The following CGNL1 variants were observed in gnomAD, a reference collection of about 807,000 sequenced individuals.
CGNL1 encodes cingulin like 1.
A neutral mutation model predicts 141.2 loss-of-function variants in CGNL1; 132 were observed. The observed-to-expected ratio is 0.93, with a 90% confidence interval of 0.81 to 1.08. The LOEUF is 1.08. CGNL1 is among the 50% of genes least tolerant of loss of function. CGNL1 has a pLI of 0.00. For missense variants in CGNL1, 1,870 were observed against 1,588.6 expected (o/e 1.18, Z -3.01); for synonymous variants, 690 against 622.1 (o/e 1.11, Z -1.63).
chr15:57,496,425 C>T (rs922566506), intron 8 of CGNL1, among the ~76,000 whole-genome samples: 5 of 152,066 alleles, frequency 3.3e-5, no homozygotes, highest in African/African-American at 1.2e-4. Context: ...TGCGAGGGAT[C>T]TAGGTTGCAT....
chr15:57,499,577 A>C (rs564596192), intron 8 of CGNL1, among the ~76,000 whole-genome samples: 12 of 152,118 alleles, frequency 7.9e-5, no homozygotes, highest in Admixed American at 1.3e-4. Flanking sequence ...CAGAGTCTTT[A>C]ATATGTGGGT....
Position 57,438,797 on chromosome 15 carries a change from T to C in CGNL1, c.798T>C (p.Pro266=). The stretch of plus-strand genomic sequence containing the variant: ...CTGCCCACAGCCCACATGCCCACCC[T>C]GAAACCAAGAAAACCAGGCCAGATG... ...PLTAHSPHAH[P]ETKKTRPDVL... The change falls in exon 2 of 19, where the codon CCT becomes CCC. Residue 266 remains proline, a synonymous_variant. Coordinates refer to ENST00000281282, the MANE Select transcript of CGNL1 (RefSeq NM_032866.5). The C allele has an allele frequency of 2.5e-6, 4 of 1,614,118 alleles. No homozygotes were observed. Among genetic ancestry groups the C allele is most frequent in the Admixed American group, 1.7e-5 (1 of 60,020 alleles).
chr15:57,493,524 A>T (rs1450734107), intron 8 of CGNL1, among the ~76,000 whole-genome samples: 2 of 152,244 alleles, frequency 1.3e-5, no homozygotes, highest in Non-Finnish European at 2.9e-5. Flanking sequence ...CAATGGTCAG[A>T]AACAAGGGAT....
chr15:57,389,658 T>C (rs1348729766), intron 1 of CGNL1, among the ~76,000 whole-genome samples: 5 of 152,224 alleles, frequency 3.3e-5, no homozygotes, highest in Admixed American at 1.3e-4. Context: ...GTTTGAATGA[T>C]AAATGGACTC....
Position 57,531,695 on chromosome 15 carries a change from G to A in CGNL1, c.3207G>A (p.Lys1069=). 1.2e-6 allele frequency: 2 copies of A among 1,609,102 alleles called. No individual in the cohort carries two copies. Among genetic ancestry groups the A allele is most frequent in the East Asian group, 4.5e-5 (2 of 44,828 alleles). The change falls in exon 14 of 19, where the codon AAG becomes AAA. Residue 1069 remains lysine, a synonymous_variant. Coordinates refer to ENST00000281282, the MANE Select transcript of CGNL1 (RefSeq NM_032866.5). ...RSRLVKQMED[K]VSQLEMELEE... Reference sequence around the variant, plus strand: ...GTTTGTGATTTCCTTCTTAGGACAAGGTGTCTCAACTGGAGATGGAACTGG... The same window carrying A: ...GTTTGTGATTTCCTTCTTAGGACAAAGTGTCTCAACTGGAGATGGAACTGG...
chr15:57,474,397 G>A (rs554341079), intron 8 of CGNL1, among the ~76,000 whole-genome samples: 2 of 152,276 alleles, frequency 1.3e-5, no homozygotes, highest in Non-Finnish European at 2.9e-5. Context: ...ACAGCATCCT[G>A]CCATGCCCTT....
Position 57,438,339 on chromosome 15 carries a change from A to G in CGNL1, c.340A>G (p.Ile114Val), listed in dbSNP as rs139876229. 712 of 1,614,020 alleles carry G rather than the reference A, an allele frequency of 4.4e-4. No homozygotes were observed. The highest frequency in any genetic ancestry group is 5.5e-4 in the Non-Finnish European group (647 of 1,180,032). ...AAACCCATACGCCCAGCCTAGCCCA[A>G]TAAGAAACCTGAAACAGCCCCTGCT... is the stretch of plus-strand genomic sequence containing the variant. ...PENPYAQPSP[I>V]RNLKQPLLHE... The change falls in exon 2 of 19, where the codon ATA (isoleucine) becomes GTA (valine). Residue 114 changes from isoleucine to valine, a missense_variant. Transcript: ENST00000281282.
rs768874477 is a variant in CGNL1 at position 57,438,955 on chromosome 15, G to A, written c.956G>A (p.Cys319Tyr). 3 of 1,614,214 alleles carry A rather than the reference G, an allele frequency of 1.9e-6. No individual in the cohort carries two copies. The highest frequency in any genetic ancestry group is 2.5e-6 in the Non-Finnish European group (3 of 1,180,042). The change falls in exon 2 of 19, where the codon TGT becomes TAT. Residue 319 changes from cysteine (C) to tyrosine (Y), a missense_variant. Transcript: ENST00000281282. ...LYRFLLDDQE[C>Y]AIHADNVNRH... ...AGGTTTTTACTGGATGATCAGGAATGTGCCATCCATGCCGACAACGTCAAT... is the reference window on the plus strand; with the variant it reads ...AGGTTTTTACTGGATGATCAGGAATATGCCATCCATGCCGACAACGTCAAT...
intron 14 of CGNL1, among the ~76,000 whole-genome samples, chr15:57,540,250 C>G (rs2032492711): frequency 6.6e-6 from 1 of 152,196 alleles, no homozygotes. Flanking sequence ...TAAAGACATA[C>G]CTGAGACTGG....
chr15:57,528,528 T>G, intron 12 of CGNL1, 126 bp from the exon 13 acceptor site: 1 of 919,698 alleles, frequency 1.1e-6, no homozygotes, highest in Non-Finnish European at 1.7e-6. Context: ...CAAGGTCTTC[T>G]GATCTCCCAT....
At chr15:57,416,681 C>A (rs2062853122) in intron 1 of CGNL1, among the ~76,000 whole-genome samples, 1 of 152,208 alleles carries the variant, frequency 6.6e-6, no homozygotes, top group Non-Finnish European at 1.5e-5. Flanking sequence ...CACACAGATG[C>A]TTTAGTCAGT....
intron 8 of CGNL1, among the ~76,000 whole-genome samples, chr15:57,470,956 T>C (rs971646660): frequency 9.9e-5 from 15 of 152,212 alleles, no homozygotes; most frequent in African/African-American, 3.6e-4. Context: ...ACGTTCCTCT[T>C]CGAAGAACCT....
chr15:57,470,417 C>T (rs953773373), intron 8 of CGNL1, among the ~76,000 whole-genome samples: 3 of 152,034 alleles, frequency 2.0e-5, no homozygotes, highest in Non-Finnish European at 4.4e-5. Flanking sequence ...CATTCTGTGG[C>T]TGTGATCCCA....
rs1451754128 is a variant in CGNL1, at chr15:57,451,461, T to C, written c.1804-39T>C. 5 of 1,419,826 alleles carry C rather than the reference T, an allele frequency of 3.5e-6. No individual in the cohort carries two copies. The African/African-American group carries it at 7.1e-5, about 20-fold the overall frequency. 88.0% of individuals were successfully genotyped at this position (1,419,826 alleles called of 1,614,324 possible). ...GGAAGATAATTAAAATAAAGCACCC[T>C]GAACATTTAAATTAGTATATCTTTG... On this transcript the variant is annotated intron_variant, in intron 4 of 18. Transcript: ENST00000281282.
At chr15:57,388,330 C>T (rs1251845721) in intron 1 of CGNL1, among the ~76,000 whole-genome samples, 1 of 152,060 alleles carries the variant, frequency 6.6e-6, no homozygotes, top group Non-Finnish European at 1.5e-5. Flanking sequence ...AAAGAAAATT[C>T]TAGGGTGGTC....
At chr15:57,447,613 A>AT (rs2063270716) in intron 4 of CGNL1, among the ~76,000 whole-genome samples, 1 of 151,440 alleles carries the variant, frequency 6.6e-6, no homozygotes, top group Admixed American at 6.6e-5. Context: ...TCTTTTATTT[A>AT]TTTTTCTTGG....
chr15:57,391,165 TG>T (rs2062538553), intron 1 of CGNL1, among the ~76,000 whole-genome samples: 1 of 152,214 alleles, frequency 6.6e-6, no homozygotes, highest in African/African-American at 2.4e-5. Flanking sequence ...GTCTAGGGTC[TG>T]TCTTTCCACA....
intron 4 of CGNL1, 97 bp downstream of exon 4, chr15:57,442,575 A>G: frequency 1.4e-6 from 1 of 728,910 alleles, no homozygotes; most frequent in Admixed American, 2.3e-5. Flanking sequence ...TATAGCAGTA[A>G]GTGGGAAGTT....
At position 57,520,698 on chromosome 15, in the gene CGNL1, A is replaced by G. The variant is rs577220763; in HGVS notation, c.2715+2201A>G. 9.2e-5 allele frequency among the ~76,000 whole-genome samples: 14 copies of G among 152,312 alleles called. No individual in the cohort carries two copies. The South Asian group carries it at 2.9e-3, about 32-fold the overall frequency. The stretch of plus-strand genomic sequence containing the variant: ...CCACAGTTCTTTCCTTCAGGAGGGG[A>G]TAACAGTGCATACATTATTCCTAGG... On this transcript the variant is annotated intron_variant, in intron 10 of 18. Transcript: ENST00000281282.
Sources: gnomAD v4.1 joint callset for allele counts (sites outside exome capture counted in the v4.1 genomes callset) on GRCh38, gnomAD v4.1.1 for gene constraint, MANE v1.5 for transcripts, NCBI Gene and HGNC (gene_info 2026-07-23, HGNC 2026-07-21) for gene names.